ZNF564: variants seen among roughly 807,000 people sequenced by gnomAD.
ZNF564 encodes zinc finger protein 564.
A neutral mutation model predicts 10.5 loss-of-function variants in ZNF564; 5 were observed. The ratio of observed to expected loss-of-function variants is 0.48; its 90% CI spans 0.25 to 1.00. The LOEUF is 1.00. ZNF564 is among the 50% of genes least tolerant of loss of function. ZNF564 has a pLI of 0.16. For synonymous variants in ZNF564, 242 were observed against 218.1 expected (o/e 1.11, Z -0.97); for missense variants, 603 against 669.7 (o/e 0.90, Z 1.10).
intron 1 of ZNF564, among the ~76,000 whole-genome samples, chr19:12,542,290 C>CA (rs965658181): frequency 9.5e-6 from 1 of 105,082 alleles, no homozygotes. Context: ...GCCTGGGTAA[C>CA]AGAGTGAGAC....
intron 1 of ZNF564, among the ~76,000 whole-genome samples, chr19:12,539,111 G>T (rs2021981778): frequency 1.3e-5 from 2 of 151,464 alleles, no homozygotes; most frequent in Non-Finnish European, 2.9e-5. Context: ...GTGGGCGCCT[G>T]TAATCCCAGC....
Position 12,526,545 on chromosome 19 carries a change from T to C in ZNF564, c.1563A>G (p.Gln521=), listed in dbSNP as rs1369424275. Residue 521 remains glutamine (Q), a synonymous_variant, in exon 4 of 4, where the codon CAA becomes CAG. Transcript: ENST00000339282. The part of the protein sequence containing the change: ...GKTFSYSSSF[Q]RHERAHNGDK... ...CTCCATTATGAGCTCTTTCATGTCT[T>C]TGAAAGGAACTGGAATAACTGAACG... 7 of 1,614,100 alleles carry C rather than the reference T, an allele frequency of 4.3e-6. No homozygotes were observed. The highest frequency in any genetic ancestry group is 5.9e-6 in the Non-Finnish European group (7 of 1,180,010).
rs762585456 is a variant in ZNF564 at position 12,528,716 on chromosome 19, C to T, written c.4-20G>A. On this transcript the variant is annotated intron_variant, in intron 1 of 3. Coordinates refer to ENST00000339282, the MANE Select transcript of ZNF564 (RefSeq NM_144976.4). ...TGAGTCCTAAAACATCCCAAATATG[C>T]AATGCAGGAGGAAGAATGAGATGAC... The T allele has an allele frequency of 1.9e-6, 3 of 1,601,126 alleles. No homozygotes were observed. Among genetic ancestry groups the T allele is most frequent in the Non-Finnish European group, 2.6e-6 (3 of 1,176,162 alleles).
At chr19:12,551,267 G>C in intron 1 of ZNF564, 63 bp downstream of exon 1, 1 of 1,564,316 alleles carries the variant, frequency 6.4e-7, no homozygotes, top group Non-Finnish European at 8.7e-7. Flanking sequence ...TTCCACAGCC[G>C]GTTCCGGCCG....
intron 1 of ZNF564, among the ~76,000 whole-genome samples, chr19:12,545,140 T>C (rs933153938): frequency 1.3e-5 from 2 of 151,462 alleles, no homozygotes; most frequent in South Asian, 2.1e-4. Context: ...CGCATGCCTA[T>C]AATCCCAGCT....
chr19:12,542,905 G>A (rs998410942), intron 1 of ZNF564, among the ~76,000 whole-genome samples: 1 of 152,154 alleles, frequency 6.6e-6, no homozygotes, highest in South Asian at 2.1e-4. Context: ...GGGAGGCTGA[G>A]GCAGGAGAAT....
At chr19:12,541,803 CAGG>C (rs1050387615) in intron 1 of ZNF564, among the ~76,000 whole-genome samples, 1 of 145,508 alleles carries the variant, frequency 6.9e-6, no homozygotes, top group Non-Finnish European at 1.5e-5. Context: ...ATCACATGGT[CAGG>C]AGATCAAGAC....
Position 12,526,738 on chromosome 19 carries a change from G to C in ZNF564, c.1370C>G (p.Ala457Gly), listed in dbSNP as rs763924797. Residue 457 changes from alanine (A) to glycine (G), a missense_variant, in exon 4 of 4, where the codon GCC (alanine) becomes GGC (glycine). Physicochemically the swap from Ala to Gly is moderately conservative, Grantham distance 60. Coordinates refer to ENST00000339282, the MANE Select transcript of ZNF564 (RefSeq NM_144976.4). Reference protein sequence around the residue: ...GPYKCQVCGKAFDCPSSVRTH... With the variant: ...GPYKCQVCGKGFDCPSSVRTH... ...TCGGACAGAACTAGGACAGTCAAAG[G>C]CTTTACCACATACCTGACATTTATA... 1 of 1,614,156 alleles carries C rather than the reference G, an allele frequency of 6.2e-7. No individual in the cohort carries two copies. Among genetic ancestry groups the C allele is most frequent in the Non-Finnish European group, 8.5e-7 (1 of 1,180,034 alleles).
intron 1 of ZNF564, chr19:12,541,280 G>C (rs2022045204): frequency 6.6e-6 from 1 of 152,196 alleles, no homozygotes; most frequent in South Asian, 2.1e-4. Flanking sequence ...AGGCAGGGTG[G>C]CTCACGCCTG....
chr19:12,541,061 C>T (rs1245700220), intron 1 of ZNF564, among the ~76,000 whole-genome samples: 2 of 100,014 alleles, frequency 2.0e-5, no homozygotes, highest in African/African-American at 7.4e-5. Flanking sequence ...AAAACCCTGT[C>T]TCTACAAAAA....
intron 3 of ZNF564, 83 bp from the exon 4 acceptor site, chr19:12,527,999 C>T (rs183187866): frequency 5.6e-6 from 8 of 1,440,214 alleles, no homozygotes; most frequent in Middle Eastern, 1.9e-4. Context: ...TTACCATAAT[C>T]GCGGAAAGGG....
At chr19:12,539,641 C>T (rs774952786) in intron 1 of ZNF564, among the ~76,000 whole-genome samples, 18 of 148,054 alleles carry the variant, frequency 1.2e-4, no homozygotes, top group Non-Finnish European at 2.5e-4. Context: ...GCACTCCAGC[C>T]TGGGCGACAG....
intron 1 of ZNF564, among the ~76,000 whole-genome samples, chr19:12,536,845 T>C (rs2021925257): frequency 6.6e-6 from 1 of 152,176 alleles, no homozygotes; most frequent in Non-Finnish European, 1.5e-5. Context: ...TTATATAGAT[T>C]TGGAATGAAC....
intron 1 of ZNF564, chr19:12,548,778 T>G (rs1467384045): frequency 1.4e-6 from 1 of 701,784 alleles, no homozygotes; most frequent in East Asian, 2.7e-5. Context: ...TATTTCAAAG[T>G]CCCATCTGAT....
chr19:12,549,146 C>A (rs2022207089), intron 1 of ZNF564, among the ~76,000 whole-genome samples: 1 of 152,162 alleles, frequency 6.6e-6, no homozygotes, highest in African/African-American at 2.4e-5. Flanking sequence ...TCCCTCAAAT[C>A]TACTTTCTGC....
intron 2 of ZNF564, 78 bp downstream of exon 2, chr19:12,528,492 G>C (rs756863498): frequency 1.1e-4 from 175 of 1,592,284 alleles, no homozygotes; most frequent in Admixed American, 3.7e-5. Flanking sequence ...TTCCACATTA[G>C]ACATCATGAA....
chr19:12,527,471 G>A lies in ZNF564; in HGVS notation c.637C>T (p.Gln213Ter), dbSNP rs1394146343. 6.2e-7 allele frequency: 1 copy of A among 1,613,928 alleles called. No homozygotes were observed. The highest frequency in any genetic ancestry group is 8.5e-7 in the Non-Finnish European group (1 of 1,179,974). ...GKAFDRPSLF[Q>*]IHERTHTGEK... is the part of the protein sequence containing the mutation. Reference sequence around the variant, plus strand: ...CCAGTGTGAGTTCTTTCATGTATCTGAAATAAACTTGGGCGATCAAAGGCT... The same window carrying A: ...CCAGTGTGAGTTCTTTCATGTATCTAAAATAAACTTGGGCGATCAAAGGCT... The change falls in exon 4 of 4, where the codon CAG becomes TAG. Residue 213 changes from glutamine to a stop codon, truncating the protein, a stop_gained. Transcript: ENST00000339282. LOFTEE classifies it low-confidence loss of function (END_TRUNC).
chr19:12,550,046 A>ACTTTG (rs1405889723), intron 1 of ZNF564, among the ~76,000 whole-genome samples: 1 of 151,960 alleles, frequency 6.6e-6, no homozygotes, highest in African/African-American at 2.4e-5. Flanking sequence ...TAATCCCAGC[A>ACTTTG]CTTTGGGAGG....
rs2021738071 is a variant in ZNF564, at chr19:12,528,560, T to C, written c.130+10A>G. The C allele has an allele frequency of 1.9e-6, 3 of 1,610,554 alleles. No individual in the cohort carries two copies. The highest frequency in any genetic ancestry group is 2.7e-5 in the African/African-American group (2 of 74,634). ...TAACTGACTAAAAGAAGGAATGATG[T>C]CATCCTTACCTACACAGGCCAGGTT... On this transcript the variant is annotated intron_variant, in intron 2 of 3. Coordinates refer to ENST00000339282, the MANE Select transcript of ZNF564 (RefSeq NM_144976.4).
Sources: gnomAD v4.1 joint callset for allele counts (sites outside exome capture counted in the v4.1 genomes callset) on GRCh38, gnomAD v4.1.1 for gene constraint, MANE v1.5 for transcripts, NCBI Gene and HGNC (gene_info 2026-07-23, HGNC 2026-07-21) for gene names.